Variants in PSPH observed in about 807,000 individuals in gnomAD.
The protein encoded by PSPH is phosphoserine phosphatase.
A neutral mutation model predicts 23.4 loss-of-function variants in PSPH; 16 were observed. The observed-to-expected ratio is 0.68, with a 90% confidence interval of 0.46 to 1.04. The LOEUF (loss-of-function observed/expected upper bound fraction) is 1.04, where lower values mean the gene tolerates loss of function less well. PSPH is among the 50% of genes least tolerant of loss of function. The pLI, the probability that PSPH is intolerant of heterozygous loss-of-function variation, is 0.00. For synonymous variants in PSPH, 68 were observed against 99.7 expected, an observed-to-expected ratio of 0.68 and a Z score of 1.89; for missense variants, 223 against 273.7, an observed-to-expected ratio of 0.81 and a Z score of 1.31.
chr7:56,038,864 C>T (rs1435247216), intron 1 of PSPH, among the ~76,000 whole-genome samples: 1 of 151,888 alleles, frequency 6.6e-6, no homozygotes, highest in Non-Finnish European at 1.5e-5. Context: ...AAAAATGAGG[C>T]TGGGTGCAGT....
Position 56,018,811 on chromosome 7 carries a change from A to T in PSPH, c.275+789T>A, listed in dbSNP as rs577413801. 3.1e-4 allele frequency among the ~76,000 whole-genome samples: 43 copies of T among 140,652 alleles called. No homozygotes were observed. The East Asian group carries it at 5.7e-3, about 19-fold the overall frequency. 92.3% of individuals were successfully genotyped at this position (140,652 alleles called of 152,430 possible). On this transcript the variant is annotated intron_variant, in intron 5 of 7. Transcript: ENST00000275605. ...TGAGACCCTGTGTCTACAGAAAATT[A>T]AAAAAAAAAAAAATTAGGCATGGTG... is the stretch of plus-strand genomic sequence containing the variant.
At chr7:56,038,265 C>T (rs1181172525) in intron 1 of PSPH, among the ~76,000 whole-genome samples, 2 of 142,340 alleles carry the variant, frequency 1.4e-5, no homozygotes, top group African/African-American at 5.3e-5. Context: ...GGTGAAACCC[C>T]GTCTCTACTA....
rs779925384 is a variant in PSPH, at chr7:56,030,178, T to C, written c.-20+1751A>G. On this transcript the variant is annotated intron_variant, in intron 3 of 7. Transcript: ENST00000275605. ...AGGCCGGAGTGCAGTGGTATGATTT[T>C]GGCTCACTGCAATCTCTGCTTCCTG... Among the ~76,000 whole-genome samples the C allele has an allele frequency of 6.6e-5, 10 of 151,830 alleles. 1 individual carries two copies. The highest frequency in any genetic ancestry group is 1.5e-4 in the Non-Finnish European group (10 of 67,976).
intron 1 of PSPH, 169 bp from the exon 2 acceptor site, chr7:56,034,275 CTG>C: frequency 6.6e-6 from 1 of 152,350 alleles, no homozygotes; most frequent in South Asian, 2.1e-4. Flanking sequence ...CCCCTGCAGT[CTG>C]AGAGGTGCAC....
intron 1 of PSPH, among the ~76,000 whole-genome samples, chr7:56,045,965 A>AGT (rs1250041449): frequency 1.3e-5 from 2 of 151,632 alleles, no homozygotes; most frequent in Admixed American, 1.3e-4. Flanking sequence ...CACAGCAAGC[A>AGT]GTGTGGGCAG....
intron 2 of PSPH, chr7:56,033,227 C>CA (rs1267117387): frequency 6.6e-6 from 1 of 151,992 alleles, no homozygotes; most frequent in Non-Finnish European, 1.5e-5. Context: ...GTACAGTGGT[C>CA]ATGCCTGTAA....
chr7:56,043,742 T>C (rs1422123347), intron 1 of PSPH, among the ~76,000 whole-genome samples: 2 of 144,808 alleles, frequency 1.4e-5, no homozygotes, highest in Non-Finnish European at 3.0e-5. Flanking sequence ...GGTGGGAGGA[T>C]AGCTTGAGCC....
At chr7:56,015,925 C>T (rs60462259) in intron 6 of PSPH, among the ~76,000 whole-genome samples, 2 of 152,134 alleles carry the variant, frequency 1.3e-5, no homozygotes, top group Admixed American at 6.6e-5. Context: ...TCCCAAAGTT[C>T]TGGGATTACA....
At chr7:56,034,873 G>A (rs550110777) in intron 1 of PSPH, among the ~76,000 whole-genome samples, 4 of 151,460 alleles carry the variant, frequency 2.6e-5, no homozygotes, top group Admixed American at 1.3e-4. Flanking sequence ...GAGAGTCTTT[G>A]CACCTTACTT....
At chr7:56,050,378 A>G (rs1367320644) in intron 1 of PSPH, among the ~76,000 whole-genome samples, 1 of 150,798 alleles carries the variant, frequency 6.6e-6, no homozygotes, top group African/African-American at 2.4e-5. Flanking sequence ...CAATCCTCCC[A>G]CCTCAGCCTC....
intron 3 of PSPH, among the ~76,000 whole-genome samples, chr7:56,031,084 G>A (rs971330413): frequency 2.1e-4 from 31 of 150,906 alleles, no homozygotes; most frequent in African/African-American, 5.8e-4. Flanking sequence ...GGTGGCGGGC[G>A]CCTGTAGTCC....
At chr7:56,035,749 A>G (rs1190610443) in intron 1 of PSPH, among the ~76,000 whole-genome samples, 3 of 151,922 alleles carry the variant, frequency 2.0e-5, no homozygotes, top group African/African-American at 4.8e-5. Context: ...CCTCCCCAGT[A>G]GCTGGGATTA....
In PSPH at chr7:56,017,234, C is replaced by T. The variant is rs534946771; in HGVS notation, c.421G>A (p.Gly141Ser). 1.5e-5 allele frequency: 25 copies of T among 1,613,772 alleles called. No homozygotes were observed. Among genetic ancestry groups the T allele is most frequent in the South Asian group, 4.4e-5 (4 of 91,044 alleles). The change falls in exon 6 of 8, where the codon GGT becomes AGT. Residue 141 changes from glycine (G) to serine (S), a missense_variant and splice_region_variant. Transcript: ENST00000275605. Reference protein sequence around the residue: ...FANRLKFYFNGEYAGFDETQP... With the variant: ...FANRLKFYFNSEYAGFDETQP... ...GAACATGTTACTGTTAACATCTTAC[C>T]GTTAAAGTAGAATTTCAGCCTATTG...
chr7:56,017,716 C>T (rs1428554439), intron 5 of PSPH, among the ~76,000 whole-genome samples: 27 of 82,374 alleles, frequency 3.3e-4, no homozygotes, highest in Admixed American at 4.9e-4. Context: ...CACCCAGTTA[C>T]TTTTTTTTTT....
intron 1 of PSPH, among the ~76,000 whole-genome samples, chr7:56,049,346 G>A (rs1793685196): frequency 6.6e-6 from 1 of 152,064 alleles, no homozygotes; most frequent in Non-Finnish European, 1.5e-5. Context: ...CAGACCCATG[G>A]GAAATGTTTC....
chr7:56,032,413 C>G (rs548188374), intron 2 of PSPH, among the ~76,000 whole-genome samples: 1 of 152,232 alleles, frequency 6.6e-6, no homozygotes, highest in Admixed American at 6.6e-5. Flanking sequence ...GTAATCCCAG[C>G]ACTTTGGGAG....
chr7:56,039,303 G>A (rs948691429), intron 1 of PSPH, among the ~76,000 whole-genome samples: 1 of 151,928 alleles, frequency 6.6e-6, no homozygotes, highest in Non-Finnish European at 1.5e-5. Flanking sequence ...ATAAAATTCA[G>A]GACAGTAGTT....
rs1791059739 is a variant in PSPH, at chr7:56,031,962, C to T, written c.-53G>A. The T allele has an allele frequency of 6.5e-6, 1 of 153,316 alleles. No individual in the cohort carries two copies. The highest frequency in any genetic ancestry group is 1.5e-5 in the Non-Finnish European group (1 of 68,042). The allele number at this position is 153,316 out of a possible 1,614,324, so 9.5% of individuals were successfully genotyped here. ...AGTGCTAGATTTCTAGGAGACGACACTCTTCTGTTCCTTCCCTAGATAAAA... is the reference window on the plus strand; with the variant it reads ...AGTGCTAGATTTCTAGGAGACGACATTCTTCTGTTCCTTCCCTAGATAAAA... On this transcript the variant is annotated 5_prime_UTR_variant, in exon 3 of 8. In the 5' UTR this introduces an upstream ATG that the reference lacks. Coordinates refer to ENST00000275605, the MANE Select transcript of PSPH (RefSeq NM_004577.4).
chr7:56,034,015 G>T lies in PSPH; in HGVS notation c.-200C>A, dbSNP rs1286169791. The T allele has an allele frequency of 1.3e-5, 2 of 152,654 alleles. No individual in the cohort carries two copies. Among genetic ancestry groups the T allele is most frequent in the African/African-American group, 4.8e-5 (2 of 41,476 alleles). 9.5% of individuals were successfully genotyped at this position (152,654 alleles called of 1,614,324 possible). On this transcript the variant is annotated 5_prime_UTR_variant, in exon 2 of 8. Transcript: ENST00000275605. ...GGCTGCAACCTTCCGGCTGCAGGGG[G>T]CCAGCGCCGGCTCCGACGCTCGGGC...
Sources: allele counts gnomAD v4.1 joint callset (sites outside exome capture counted in the v4.1 genomes callset), GRCh38; gene constraint gnomAD v4.1.1; transcripts MANE v1.5; gene names NCBI Gene and HGNC (gene_info 2026-07-23, HGNC 2026-07-21).